Variants in DNAH9 observed in about 807,000 individuals in gnomAD.
The protein encoded by DNAH9 is DNAH9 variant protein.
In DNAH9, 345 loss-of-function variants were observed where a neutral mutation model predicts 471.6. The ratio of observed to expected loss-of-function variants is 0.73; its 90% CI spans 0.67 to 0.80. The LOEUF is 0.80. DNAH9 is among the 30% of genes least tolerant of loss of function. The probability of loss-of-function intolerance (pLI) is 0.00; values close to 1 mark genes in which losing one functional copy is unlikely to be tolerated. For missense variants in DNAH9, 5,407 were observed against 5,609.2 expected (o/e 0.96, Z 1.15); for synonymous variants, 2,093 against 2,123.6 (o/e 0.99, Z 0.40).
intron 67 of DNAH9, among the ~76,000 whole-genome samples, chr17:11,953,673 G>C (rs143670297): frequency 6.6e-6 from 1 of 150,898 alleles, no homozygotes; most frequent in Non-Finnish European, 1.5e-5. Flanking sequence ...TTAGCCAGGC[G>C]TGGTGGCAGG....
At chr17:11,769,052 G>A (rs574506944) in intron 37 of DNAH9, 70 bp from the exon 38 acceptor site, 25 of 1,527,050 alleles carry the variant, frequency 1.6e-5, no homozygotes, top group African/African-American at 8.2e-5. Flanking sequence ...GAAATGCTTC[G>A]GAACGCCGCT....
Position 11,690,216 on chromosome 17 carries a change from A to G in DNAH9, c.4394A>G (p.Asp1465Gly), listed in dbSNP as rs1304759948. The part of the protein sequence containing the change: ...PRTNVPLLCS[D>G]EDLIEVLEDN... ...ACCAATGTCCCCCTCCTGTGCTCTG[A>G]TGAGGACCTCATAGAGGTTCTGGAG... Residue 1465 changes from aspartate to glycine, a missense_variant, in exon 20 of 69, where the codon GAT becomes GGT. Asp to Gly is a moderately conservative substitution (Grantham distance 94). This residue lies in a region of DNAH9 where 4,636 missense variants were observed against 4,900.3 expected (regional missense o/e 0.95). Coordinates refer to ENST00000262442, the MANE Select transcript of DNAH9 (RefSeq NM_001372.4). The G allele has an allele frequency of 6.2e-7, 1 of 1,614,062 alleles. No homozygotes were observed.
intron 1 of DNAH9, among the ~76,000 whole-genome samples, 186 bp downstream of exon 1, chr17:11,599,101 A>G (rs1446637483): frequency 2.0e-5 from 3 of 151,736 alleles, no homozygotes; most frequent in African/African-American, 7.3e-5. Flanking sequence ...TCCTGAAGTC[A>G]GGAAGAAAAT....
At chr17:11,782,419 A>G (rs540098225) in intron 39 of DNAH9, among the ~76,000 whole-genome samples, 3 of 152,188 alleles carry the variant, frequency 2.0e-5, no homozygotes, top group African/African-American at 7.2e-5. Flanking sequence ...CTCAGAGAAC[A>G]CAGATGCCGC....
intron 6 of DNAH9, among the ~76,000 whole-genome samples, chr17:11,622,897 G>A (rs1014919205): frequency 3.3e-5 from 5 of 151,366 alleles, no homozygotes; most frequent in East Asian, 1.9e-4. Context: ...CTTACGTGTC[G>A]TTCTGTCCTT....
Position 11,822,491 on chromosome 17 carries a change from G to A in DNAH9, c.8904G>A (p.Lys2968=). 1 of 1,614,108 alleles carries A rather than the reference G, an allele frequency of 6.2e-7. No individual in the cohort carries two copies. The highest frequency in any genetic ancestry group is 8.5e-7 in the Non-Finnish European group (1 of 1,180,038). The change falls in exon 47 of 69, where the codon AAG becomes AAA. Residue 2968 remains lysine, a synonymous_variant. Coordinates refer to ENST00000262442, the MANE Select transcript of DNAH9 (RefSeq NM_001372.4). ...ACAAGCTAAGAGTCCGCAGCAGGAA[G>A]TTCCCAGCCATTGTGAACTGCACAG... The part of the protein sequence containing the change: ...VGNKLRVRSR[K]FPAIVNCTAI...
chr17:11,744,794 C>G lies in DNAH9; in HGVS notation c.6112-3C>G. On this transcript the variant is annotated splice_polypyrimidine_tract_variant and splice_region_variant and intron_variant, in intron 30 of 68. Coordinates refer to ENST00000262442, the MANE Select transcript of DNAH9 (RefSeq NM_001372.4). Reference sequence around the variant, plus strand: ...TGTCACTTTGATCTAACACTGCCCACAGGATCACTACGACTGGGGCCTACG... The same window carrying G: ...TGTCACTTTGATCTAACACTGCCCAGAGGATCACTACGACTGGGGCCTACG... 7 of 1,608,988 alleles carry G rather than the reference C, an allele frequency of 4.4e-6. No homozygotes were observed. The highest frequency in any genetic ancestry group is 5.9e-6 in the Non-Finnish European group (7 of 1,176,672).
In DNAH9 at chr17:11,660,081, C is replaced by G. The variant is rs142319225; in HGVS notation, c.2596-4752C>G. ...CAAATTTTGATTTTGCTAATTTTCT[C>G]TATTCATCTATTTTCTAGTTTATTA... On this transcript the variant is annotated intron_variant, in intron 14 of 68. Coordinates refer to ENST00000262442, the MANE Select transcript of DNAH9 (RefSeq NM_001372.4). Among the ~76,000 whole-genome samples, 39 of 151,970 alleles carry G rather than the reference C, an allele frequency of 2.6e-4. No individual in the cohort carries two copies. The East Asian group carries it at 5.8e-3, about 23-fold the overall frequency.
intron 61 of DNAH9, among the ~76,000 whole-genome samples, chr17:11,907,598 G>T (rs779890769): frequency 1.3e-5 from 2 of 152,096 alleles, no homozygotes; most frequent in Admixed American, 1.3e-4. Flanking sequence ...GAGAGAAGGG[G>T]TCCATTCAGA....
chr17:11,756,522 C>T, intron 33 of DNAH9, 46 bp from the exon 34 acceptor site: 1 of 1,098,012 alleles, frequency 9.1e-7, no homozygotes, highest in East Asian at 2.3e-5. Context: ...GCTGGCAAGG[C>T]ACCTCCCTCC....
At chr17:11,797,549 C>A (rs764785532) in intron 42 of DNAH9, 48 bp from the exon 43 acceptor site, 2 of 1,513,922 alleles carry the variant, frequency 1.3e-6, no homozygotes, top group African/African-American at 2.8e-5. Context: ...GTGGAACCAG[C>A]CCCAGAAGTC....
intron 49 of DNAH9, among the ~76,000 whole-genome samples, chr17:11,842,602 T>C (rs541402163): frequency 1.6e-4 from 24 of 152,268 alleles, no homozygotes; most frequent in African/African-American, 4.6e-4. Flanking sequence ...TGAGAGCCCC[T>C]GGAAAACAAC....
In DNAH9 at chr17:11,680,740, G is replaced by A. The variant is rs747252427; in HGVS notation, c.3594G>A (p.Trp1198Ter). ...CTTTGCAGGAGCTGCCTGAGAAATG[G>A]AACAACATAAAAAAGGTGGCCATTA... ...FKQLEELPEKWNNIKKVAITV... is the reference protein window; with the variant it reads ...FKQLEELPEK Residue 1198 changes from tryptophan to a stop codon, truncating the protein, a stop_gained, in exon 19 of 69, where the codon TGG becomes TGA. Coordinates refer to ENST00000262442, the MANE Select transcript of DNAH9 (RefSeq NM_001372.4). LOFTEE classifies it high-confidence loss of function. 1 of 1,614,008 alleles carries A rather than the reference G, an allele frequency of 6.2e-7. No individual in the cohort carries two copies. The highest frequency in any genetic ancestry group is 8.5e-7 in the Non-Finnish European group (1 of 1,179,964).
intron 28 of DNAH9, among the ~76,000 whole-genome samples, chr17:11,732,615 C>A (rs2075286782): frequency 6.8e-6 from 1 of 148,012 alleles, no homozygotes; most frequent in Non-Finnish European, 1.5e-5. Context: ...AGTCACATAG[C>A]CACTTGGGAA....
chr17:11,937,495 C>A lies in DNAH9; in HGVS notation c.12633C>A (p.Asp4211Glu). 6.2e-7 allele frequency: 1 copy of A among 1,613,088 alleles called. No homozygotes were observed. Among genetic ancestry groups the A allele is most frequent in the Non-Finnish European group, 8.5e-7 (1 of 1,179,312 alleles). Residue 4211 changes from aspartate to glutamate, a missense_variant, in exon 66 of 69, where the codon GAC (aspartate) becomes GAA (glutamate). Coordinates refer to ENST00000262442, the MANE Select transcript of DNAH9 (RefSeq NM_001372.4). The surrounding 1 kb of genome is among the most constrained non-coding windows in gnomAD (Gnocchi z 4.1). ...AGCCTCGGGACAGCCAGGCCAGAGA[C>A]GGAGCGGGCGCCACAAGAGAAGAAA... ...ELQPRDSQAR[D>E]GAGATREEKV...
At chr17:11,784,220 C>G in intron 40 of DNAH9, 80 bp from the exon 41 acceptor site, 1 of 1,585,176 alleles carries the variant, frequency 6.3e-7, no homozygotes, top group African/African-American at 1.3e-5. Context: ...TAAGAATTTT[C>G]TGTTATCTCC....
chr17:11,886,473 C>G (rs1972880475), intron 56 of DNAH9, among the ~76,000 whole-genome samples: 2 of 150,990 alleles, frequency 1.3e-5, no homozygotes. Flanking sequence ...TGGATTTCCA[C>G]TGCTTGGCAT....
At chr17:11,602,909 C>T (rs964237322) in intron 1 of DNAH9, among the ~76,000 whole-genome samples, 1 of 152,208 alleles carries the variant, frequency 6.6e-6, no homozygotes, top group Non-Finnish European at 1.5e-5. Context: ...TCCTTTGATC[C>T]TGCTGGGAGC....
intron 1 of DNAH9, among the ~76,000 whole-genome samples, chr17:11,599,360 G>A (rs1235111665): frequency 1.3e-5 from 2 of 152,182 alleles, no homozygotes; most frequent in African/African-American, 4.8e-5. Flanking sequence ...CGGCATTTCT[G>A]ATGGATCAGT....
Sources: allele counts gnomAD v4.1 joint callset (sites outside exome capture counted in the v4.1 genomes callset), GRCh38; gene constraint gnomAD v4.1.1; regional missense constraint gnomAD v4.1.1; non-coding constraint Gnocchi (gnomAD v3.1); transcripts MANE v1.5; gene names NCBI Gene and HGNC (gene_info 2026-07-23, HGNC 2026-07-21).